Variants in RANBP2 observed in about 807,000 individuals in gnomAD.
RANBP2 encodes RAN binding protein 2, also known as E3 SUMO-protein ligase RanBP2.
RANBP2 carries 57 observed loss-of-function variants against 303.6 expected under a neutral mutation model. The observed-to-expected ratio is 0.19, with a 90% CI of 0.15 to 0.23. The LOEUF is 0.23. Among genes scored for constraint, RANBP2 ranks in the 10% least tolerant of loss-of-function variants. The pLI is 1.00. For synonymous variants in RANBP2, 1,167 were observed against 1,301.5 expected (o/e 0.90, Z 2.23); for missense variants, 3,138 against 3,780.8 (o/e 0.83, Z 4.46).
At chr2:109,210,941 G>C in the RANBP2 span, among the ~76,000 whole-genome samples, 1 of 152,324 alleles carries the variant, frequency 6.6e-6, no homozygotes, top group South Asian at 2.1e-4. Context: ...TTTCCTGTCA[G>C]AGCCTCCCAG....
chr2:109,162,402 T>C, the RANBP2 span, among the ~76,000 whole-genome samples: 3 of 152,156 alleles, frequency 2.0e-5, no homozygotes, highest in Non-Finnish European at 4.4e-5. Flanking sequence ...TTTTTAAATT[T>C]ATTTATTTAT....
chr2:109,342,034 A>G, the RANBP2 span, among the ~76,000 whole-genome samples: 4 of 152,202 alleles, frequency 2.6e-5, no homozygotes, highest in African/African-American at 7.2e-5. Flanking sequence ...GCCGGGGCCT[A>G]TGGACGAATG....
At chr2:109,427,590 G>A in the RANBP2 span, among the ~76,000 whole-genome samples, 1 of 152,144 alleles carries the variant, frequency 6.6e-6, no homozygotes, top group East Asian at 1.9e-4. Flanking sequence ...CACACTTCGG[G>A]AGTCCCTGCA....
the RANBP2 span, among the ~76,000 whole-genome samples, chr2:108,983,716 G>T: frequency 0.016 from 2,487 of 152,306 alleles, 68 homozygotes; most frequent in East Asian, 0.092. Context: ...TGGTGGCTCC[G>T]TGCGGGACGG....
At chr2:109,463,505 T>C in the RANBP2 span, among the ~76,000 whole-genome samples, 3 of 152,318 alleles carry the variant, frequency 2.0e-5, no homozygotes, top group Non-Finnish European at 4.4e-5. Context: ...CCCTCACACA[T>C]CTGTTTCTCA....
chr2:109,465,870 G>A, the RANBP2 span, among the ~76,000 whole-genome samples: 7 of 152,160 alleles, frequency 4.6e-5, no homozygotes, highest in East Asian at 9.7e-4. Context: ...CCAAGGAGAC[G>A]GTGTTAAACC....
the RANBP2 span, among the ~76,000 whole-genome samples, chr2:109,510,034 G>T: frequency 1.3e-5 from 2 of 152,202 alleles, no homozygotes; most frequent in African/African-American, 2.4e-5. Context: ...GTCTTATCTG[G>T]ACCTCCACAC....
At chr2:108,778,079 A>G (rs1437259569) in intron 25 of RANBP2, among the ~76,000 whole-genome samples, 1 of 152,220 alleles carries the variant, frequency 6.6e-6, no homozygotes, top group Non-Finnish European at 1.5e-5. Flanking sequence ...GCCTGAAATC[A>G]AAGGGTAATG....
At chr2:109,212,734 T>C in the RANBP2 span, among the ~76,000 whole-genome samples, 3 of 152,338 alleles carry the variant, frequency 2.0e-5, no homozygotes, top group African/African-American at 7.2e-5. Context: ...CATTCTCTCT[T>C]TGCCCGTGGC....
chr2:109,166,989 G>A, the RANBP2 span, among the ~76,000 whole-genome samples: 2 of 152,216 alleles, frequency 1.3e-5, no homozygotes, highest in African/African-American at 4.8e-5. Context: ...CCTCCAGCAA[G>A]CTAAGTAGCT....
the RANBP2 span, among the ~76,000 whole-genome samples, chr2:108,886,393 T>C: frequency 6.6e-6 from 1 of 152,162 alleles, no homozygotes; most frequent in African/African-American, 2.4e-5. Context: ...TTTTGAACAA[T>C]GTCTATTCAT....
At chr2:108,993,853 G>C in the RANBP2 span, among the ~76,000 whole-genome samples, 1 of 152,172 alleles carries the variant, frequency 6.6e-6, no homozygotes, top group Non-Finnish European at 1.5e-5. Context: ...CTCAACAACA[G>C]ACATTTGTTT....
chr2:108,816,366 G>A, the RANBP2 span, among the ~76,000 whole-genome samples: 760 of 152,192 alleles, frequency 5.0e-3, 4 homozygotes, highest in South Asian at 0.021. Context: ...CAGGAGAAAC[G>A]CTTGAATCTG....
the RANBP2 span, among the ~76,000 whole-genome samples, chr2:109,384,062 C>A: frequency 6.6e-6 from 1 of 152,196 alleles, no homozygotes; most frequent in Admixed American, 6.5e-5. Flanking sequence ...CTCCTCCCAC[C>A]CTTAGGTTTC....
At chr2:109,049,392 A>T in the RANBP2 span, among the ~76,000 whole-genome samples, 1 of 152,142 alleles carries the variant, frequency 6.6e-6, no homozygotes, top group Non-Finnish European at 1.5e-5. Flanking sequence ...TTTTTACTGT[A>T]TATTATCTTT....
chr2:108,970,552 G>C, the RANBP2 span, among the ~76,000 whole-genome samples: 1 of 152,090 alleles, frequency 6.6e-6, no homozygotes, highest in Admixed American at 6.5e-5. Flanking sequence ...TGACTGGGCA[G>C]GGAGGTGGAC....
At chr2:109,505,274 G>A in the RANBP2 span, among the ~76,000 whole-genome samples, 3 of 152,210 alleles carry the variant, frequency 2.0e-5, no homozygotes, top group East Asian at 1.9e-4. Context: ...CTGGAACCAC[G>A]TGTTTCTTGA....
At chr2:109,393,215 G>A in the RANBP2 span, among the ~76,000 whole-genome samples, 5 of 152,356 alleles carry the variant, frequency 3.3e-5, no homozygotes, top group South Asian at 4.1e-4. Context: ...GAGAGTGGGA[G>A]CTTCAGGGTA....
the RANBP2 span, among the ~76,000 whole-genome samples, chr2:109,422,102 G>C: frequency 8.9e-3 from 1,351 of 152,344 alleles, 68 homozygotes; most frequent in Admixed American, 0.07. Flanking sequence ...GTGGGGGTCT[G>C]ATCTAACCAT....
Sources: allele counts gnomAD v4.1 joint callset (sites outside exome capture counted in the v4.1 genomes callset), GRCh38; gene constraint gnomAD v4.1.1; transcripts MANE v1.5; gene names NCBI Gene and HGNC (gene_info 2026-07-23, HGNC 2026-07-21).